ZBTB20: variants seen among roughly 807,000 people sequenced by gnomAD.
ZBTB20 encodes zinc finger and BTB domain-containing protein 20.
A neutral mutation model predicts 56.9 loss-of-function variants in ZBTB20; 9 were observed. That is an observed-to-expected ratio of 0.16 (90% CI 0.10 to 0.28). The LOEUF is 0.28. ZBTB20 is among the 10% of genes least tolerant of loss of function. ZBTB20 has a pLI of 1.00. For synonymous variants in ZBTB20, 417 were observed against 420.7 expected (o/e 0.99, Z 0.11); for missense variants, 655 against 1,003.0 (o/e 0.65, Z 4.69).
At chr3:114,873,135 T>C (rs2076068390) in intron 4 of ZBTB20, 1 of 152,158 alleles carries the variant, frequency 6.6e-6, no homozygotes, top group Non-Finnish European at 1.5e-5. Flanking sequence ...GCTTGGTTTC[T>C]AAGGCTGAAT....
In ZBTB20 at chr3:114,351,407, C is replaced by T; in HGVS notation, c.671G>A (p.Ser224Asn). 6.2e-7 allele frequency: 1 copy of T among 1,612,848 alleles called. No homozygotes were observed. ...CAGGTAGCCCGACTCCGTGTCGCTG[C>T]TCTGGCCTGACGTGCCTGACTCGGG... ...GTPESGTSGQ[S>N]SDTESGYLQS... Residue 224 changes from serine (S) to asparagine (N), a missense_variant, in exon 11 of 12, where the codon AGC becomes AAC. This residue lies in a region of ZBTB20 where 167 missense variants were observed against 281.9 expected (regional missense o/e 0.59). Transcript: ENST00000675478.
At chr3:114,637,302 A>G (rs887152049) in intron 6 of ZBTB20, among the ~76,000 whole-genome samples, 4 of 152,050 alleles carry the variant, frequency 2.6e-5, no homozygotes, top group African/African-American at 9.7e-5. Flanking sequence ...GAACATGGAG[A>G]AAAAGTGAGC....
chr3:114,738,305 T>G (rs2066327849), intron 5 of ZBTB20, among the ~76,000 whole-genome samples: 3 of 152,138 alleles, frequency 2.0e-5, no homozygotes, highest in African/African-American at 7.2e-5. Flanking sequence ...TATCATTTCA[T>G]GTTAGGCTTT....
At chr3:114,604,795 T>G (rs2057019644) in intron 6 of ZBTB20, among the ~76,000 whole-genome samples, 1 of 152,026 alleles carries the variant, frequency 6.6e-6, no homozygotes, top group South Asian at 2.1e-4. Context: ...CTTTCTAAGC[T>G]CAATCGAGTT....
intron 1 of ZBTB20, among the ~76,000 whole-genome samples, chr3:115,078,378 C>A (rs891199436): frequency 6.6e-6 from 1 of 152,010 alleles, no homozygotes; most frequent in African/African-American, 2.4e-5. Flanking sequence ...GCCTAAAATT[C>A]TTTATGAGAA....
At chr3:114,907,024 AAC>A (rs1423094262) in intron 3 of ZBTB20, among the ~76,000 whole-genome samples, 1 of 151,888 alleles carries the variant, frequency 6.6e-6, no homozygotes, top group African/African-American at 2.4e-5. Flanking sequence ...ATGTACATTA[AAC>A]ACGTATTAGA....
intron 6 of ZBTB20, among the ~76,000 whole-genome samples, chr3:114,501,287 C>G (rs1011214569): frequency 6.6e-6 from 1 of 152,168 alleles, no homozygotes; most frequent in Non-Finnish European, 1.5e-5. Context: ...CTGACCCTAA[C>G]AGTGTTCTTG....
At chr3:114,728,552 T>C (rs1282937449) in intron 5 of ZBTB20, among the ~76,000 whole-genome samples, 1 of 152,192 alleles carries the variant, frequency 6.6e-6, no homozygotes, top group Non-Finnish European at 1.5e-5. Flanking sequence ...CAAGATGTAA[T>C]GGTCTTTCCA....
intron 3 of ZBTB20, among the ~76,000 whole-genome samples, chr3:114,906,356 G>C (rs190446148): frequency 9.9e-5 from 15 of 151,826 alleles, no homozygotes; most frequent in Non-Finnish European, 1.6e-4. Flanking sequence ...TCAATCAAAG[G>C]CAAGGCAGAA....
chr3:114,403,416 G>A (rs2086994995), intron 7 of ZBTB20, among the ~76,000 whole-genome samples: 1 of 152,112 alleles, frequency 6.6e-6, no homozygotes, highest in Admixed American at 6.6e-5. Flanking sequence ...GGGAATAACT[G>A]ACTTACAAAG....
chr3:114,620,873 G>A (rs1285592377), intron 6 of ZBTB20, among the ~76,000 whole-genome samples: 2 of 152,284 alleles, frequency 1.3e-5, no homozygotes, highest in Admixed American at 1.3e-4. Flanking sequence ...GGGTTTTATG[G>A]AAAACTTCAG....
chr3:115,051,282 C>T (rs994014429), intron 2 of ZBTB20, among the ~76,000 whole-genome samples: 6 of 151,834 alleles, frequency 4.0e-5, no homozygotes, highest in African/African-American at 1.5e-4. Context: ...GGGAACCAGA[C>T]ATTAATCAAT....
intron 1 of ZBTB20, among the ~76,000 whole-genome samples, chr3:115,112,844 T>C (rs1018250960): frequency 6.6e-6 from 1 of 152,198 alleles, no homozygotes; most frequent in Non-Finnish European, 1.5e-5. Context: ...GAGAGATCTG[T>C]TTTTCATTTT....
chr3:114,813,301 G>A lies in ZBTB20; in HGVS notation c.-416-12127C>T, dbSNP rs565462790. Among the ~76,000 whole-genome samples, 13 of 149,340 alleles carry A rather than the reference G, an allele frequency of 8.7e-5. No individual in the cohort carries two copies. The South Asian group carries it at 2.7e-3, about 32-fold the overall frequency. On this transcript the variant is annotated intron_variant, in intron 4 of 11. Transcript: ENST00000675478. Reference sequence around the variant, plus strand: ...ACACCTATTGTGTATACATTAGAGTGGATTCAAAATAAATATTTAAACAGA... The same window carrying A: ...ACACCTATTGTGTATACATTAGAGTAGATTCAAAATAAATATTTAAACAGA...
chr3:114,992,229 T>C (rs2078846514), intron 2 of ZBTB20, among the ~76,000 whole-genome samples: 1 of 152,052 alleles, frequency 6.6e-6, no homozygotes, highest in Non-Finnish European at 1.5e-5. Context: ...AGAGTAAATA[T>C]GTCAGCAACT....
chr3:114,824,064 T>C (rs1185516436), intron 4 of ZBTB20, among the ~76,000 whole-genome samples: 1 of 151,930 alleles, frequency 6.6e-6, no homozygotes. Flanking sequence ...CTGGGGTAAA[T>C]AGGGTAGCTA....
At chr3:114,344,073 A>G (rs1189684012) in intron 11 of ZBTB20, among the ~76,000 whole-genome samples, 5 of 152,064 alleles carry the variant, frequency 3.3e-5, no homozygotes, top group African/African-American at 1.2e-4. Flanking sequence ...GGGCCCACAC[A>G]CCTGAGATAT....
At chr3:114,812,131 C>G (rs915079250) in intron 4 of ZBTB20, among the ~76,000 whole-genome samples, 3 of 152,144 alleles carry the variant, frequency 2.0e-5, no homozygotes, top group African/African-American at 7.2e-5. Context: ...AGTGAAAGAA[C>G]AAAGCTTCCA....
At chr3:114,559,712 C>G (rs915143957) in intron 6 of ZBTB20, among the ~76,000 whole-genome samples, 4 of 152,272 alleles carry the variant, frequency 2.6e-5, no homozygotes, top group Non-Finnish European at 2.9e-5. Flanking sequence ...AGAAGGAACA[C>G]CTATGAAAAT....
Sources: allele counts gnomAD v4.1 joint callset (sites outside exome capture counted in the v4.1 genomes callset), GRCh38; gene constraint gnomAD v4.1.1; regional missense constraint gnomAD v4.1.1; transcripts MANE v1.5; gene names NCBI Gene and HGNC (gene_info 2026-07-23, HGNC 2026-07-21).